The following NBPF26 variants were observed in gnomAD, a reference collection of about 807,000 sequenced individuals.
The protein encoded by NBPF26 is NBPF family member NBPF26.
In NBPF26, 79 loss-of-function variants were observed where a neutral mutation model predicts 119.6. That is an observed-to-expected ratio of 0.66 (90% CI 0.55 to 0.80). The LOEUF is 0.80. Among genes scored for constraint, NBPF26 ranks in the 30% least tolerant of loss-of-function variants. NBPF26 has a pLI of 0.00. For missense variants in NBPF26, 800 were observed against 1,198.2 expected, an observed-to-expected ratio of 0.67 and a Z score of 4.91; for synonymous variants, 299 against 457.7, an observed-to-expected ratio of 0.65 and a Z score of 4.43.
chr1:120,833,452 T>A, intron 23 of NBPF26, 151 bp from the exon 28 acceptor site: 2 of 542,192 alleles, frequency 3.7e-6, no homozygotes, highest in Middle Eastern at 4.8e-4. Context: ...CCCTGTTCTA[T>A]CCCAACATAA....
chr1:120,765,582 A>G (rs1194263296), intron 2 of NBPF26, among the ~76,000 whole-genome samples: 6 of 72,934 alleles, frequency 8.2e-5, no homozygotes, highest in Non-Finnish European at 2.6e-5. Context: ...CGATTCCTCA[A>G]GGATCTAGAA....
At chr1:120,784,001 G>A (rs1361877167) in intron 2 of NBPF26, among the ~76,000 whole-genome samples, 1 of 112,136 alleles carries the variant, frequency 8.9e-6, no homozygotes, top group Non-Finnish European at 1.7e-5. Flanking sequence ...AAGTTTTGTT[G>A]CAGAGGGATA....
In NBPF26 at chr1:120,840,340, C is replaced by T. The variant is rs201769072; in HGVS notation, c.4104-10C>T. 3 of 1,444,810 alleles carry T rather than the reference C, an allele frequency of 2.1e-6. No individual in the cohort carries two copies. Among genetic ancestry groups the T allele is most frequent in the South Asian group, 1.2e-5 (1 of 83,184 alleles). 89.5% of individuals were successfully genotyped at this position (1,444,810 alleles called of 1,614,324 possible). ...CCTGGCTGCTTCTTTAGTTTTGTCT[C>T]CTTTTGCAGGCTCAACAGCATGCTG... On this transcript the variant is annotated splice_polypyrimidine_tract_variant and intron_variant, in intron 29 of 29. Coordinates refer to ENST00000620612, the Ensembl canonical transcript of NBPF26.
At position 120,793,438 on chromosome 1, in the gene NBPF26, C is replaced by T. The variant is rs1651517302; in HGVS notation, c.693C>T (p.Val231=). The T allele has an allele frequency of 2.1e-6, 3 of 1,441,776 alleles. 1 individual carries two copies. Among genetic ancestry groups the T allele is most frequent in the Non-Finnish European group, 2.8e-6 (3 of 1,079,064 alleles). 89.3% of individuals were successfully genotyped at this position (1,441,776 alleles called of 1,614,324 possible). The change falls in exon 4 of 30, where the codon GTC becomes GTT. Residue 231 remains valine (V), a synonymous_variant. Coordinates refer to ENST00000620612, the Ensembl canonical transcript of NBPF26. ...TGCCCTGTGCACACTCGCCTTGTGT[C>T]AATGGAGGCACCTGTCGGCAGACTG...
chr1:120,781,458 T>C, intron 2 of NBPF26, among the ~76,000 whole-genome samples: 1 of 32,940 alleles, frequency 3.0e-5, no homozygotes, highest in Non-Finnish European at 5.0e-5. Context: ...TTTGATGAAC[T>C]GGAGTCATCC....
chr1:120,809,629 A>G (rs1181462466), intron 7 of NBPF26, among the ~76,000 whole-genome samples, 182 bp from the exon 8 acceptor site: 4 of 150,896 alleles, frequency 2.7e-5, no homozygotes, highest in African/African-American at 7.4e-5. Flanking sequence ...CCTCCACATC[A>G]GAAATGCATT....
In NBPF26 at chr1:120,812,142, G is replaced by A; in HGVS notation, c.1774+47G>A. On this transcript the variant is annotated intron_variant, in intron 10 of 29. Coordinates refer to ENST00000620612, the Ensembl canonical transcript of NBPF26. ...TCACGAAAGTGATGAACGAGGTCCT[G>A]TCTTCTCTCTGAGACACTAAATGCT... 3 of 981,358 alleles carry A rather than the reference G, an allele frequency of 3.1e-6. 1 individual carries two copies. Among genetic ancestry groups the A allele is most frequent in the East Asian group, 2.4e-5 (1 of 41,176 alleles). 60.8% of individuals were successfully genotyped at this position (981,358 alleles called of 1,614,324 possible).
In NBPF26 at chr1:120,811,012, G is replaced by A. The variant is rs1214131790; in HGVS notation, c.1564+454G>A. ...TCCGAGCACTTTGGGAGGCCGAGGC[G>A]GGTGGATCATGAGGTCAGGAGATTG... is the stretch of plus-strand genomic sequence containing the variant. On this transcript the variant is annotated intron_variant, in intron 9 of 29. Coordinates refer to ENST00000620612, the Ensembl canonical transcript of NBPF26. Among the ~76,000 whole-genome samples the A allele has an allele frequency of 3.8e-5, 4 of 104,466 alleles. 1 individual carries two copies. The highest frequency in any genetic ancestry group is 7.3e-5 in the Non-Finnish European group (4 of 54,796). The allele number at this position is 104,466 out of a possible 152,430, so 68.5% of individuals were successfully genotyped here.
intron 6 of NBPF26, among the ~76,000 whole-genome samples, chr1:120,808,215 G>A (rs1553270426): frequency 8.4e-6 from 1 of 118,804 alleles, no homozygotes; most frequent in Non-Finnish European, 1.7e-5. Flanking sequence ...TGCACTATGT[G>A]TATTTTCACA....
intron 4 of NBPF26, among the ~76,000 whole-genome samples, chr1:120,800,466 AT>A (rs1651572063): frequency 1.6e-5 from 1 of 62,662 alleles, no homozygotes; most frequent in Non-Finnish European, 2.7e-5. Context: ...TTCTTGTATA[AT>A]TTTTTGGTAA....
chr1:120,819,216 C>A (rs1195181238), intron 15 of NBPF26, among the ~76,000 whole-genome samples: 1 of 121,880 alleles, frequency 8.2e-6, no homozygotes, highest in East Asian at 2.0e-4. Flanking sequence ...TGAATTGATC[C>A]CTTTACCATT....
At chr1:120,770,464 C>G (rs1651250365) in intron 2 of NBPF26, among the ~76,000 whole-genome samples, 1 of 113,000 alleles carries the variant, frequency 8.8e-6, no homozygotes, top group African/African-American at 5.7e-5. Flanking sequence ...CCACCACACC[C>G]AGCCGAGGAC....
At chr1:120,794,458 G>A (rs1651534988) in intron 4 of NBPF26, among the ~76,000 whole-genome samples, 1 of 115,758 alleles carries the variant, frequency 8.6e-6, no homozygotes, top group Admixed American at 8.4e-5. Flanking sequence ...AAAACTGTAG[G>A]AGGGAGTAAT....
intron 1 of NBPF26, among the ~76,000 whole-genome samples, chr1:120,743,836 A>AT (rs1300280736): frequency 4.0e-5 from 5 of 126,110 alleles, no homozygotes; most frequent in Admixed American, 8.2e-5. Context: ...TAGGTTTTGC[A>AT]TTTTTTTAGC....
Position 120,730,014 on chromosome 1 carries a change from G to A in NBPF26, c.73+5764G>A, listed in dbSNP as rs1238763948. Among the ~76,000 whole-genome samples, 13 of 100,400 alleles carry A rather than the reference G, an allele frequency of 1.3e-4. 3 individuals are homozygous for A. In the Middle Eastern group the frequency reaches 0.012, roughly 93 times the overall value. The allele number at this position is 100,400 out of a possible 152,430, so 65.9% of individuals were successfully genotyped here. A position where few individuals can be genotyped will look rare whatever the true frequency, so the allele number is the denominator to read the frequency against. ...GAGAAGAAAGCTGCTATGGTATAAGGTTAGTAAAGTTGTTTGTTTTGTCTT... is the reference window on the plus strand; with the variant it reads ...GAGAAGAAAGCTGCTATGGTATAAGATTAGTAAAGTTGTTTGTTTTGTCTT... On this transcript the variant is annotated intron_variant, in intron 1 of 29. Transcript: ENST00000620612.
exon 5 of NBPF26, chr1:120,805,643 T>C: frequency 2.1e-6 from 3 of 1,461,664 alleles, no homozygotes; most frequent in South Asian, 2.4e-5. Context: ...ATGAACATTC[T>C]AGAAATCAAC....
In NBPF26 at chr1:120,805,560, T is replaced by G; in HGVS notation, c.756T>G (p.Pro252=). 5.7e-6 allele frequency: 8 copies of G among 1,404,106 alleles called. 2 individuals are homozygous for G. Among genetic ancestry groups the G allele is most frequent in the Non-Finnish European group, 7.8e-6 (8 of 1,029,324 alleles). 87.0% of individuals were successfully genotyped at this position (1,404,106 alleles called of 1,614,324 possible). The change falls in exon 5 of 30, where the codon CCT becomes CCG. Residue 252 remains proline (P), a synonymous_variant. Coordinates refer to ENST00000620612, the Ensembl canonical transcript of NBPF26. ...GTTTGGGTTTCTTCTCCCCAGTCCC[T>G]GACTCCACCTCTTCTGCCACAAACG...
At chr1:120,833,498 C>G (rs1652411085) in intron 23 of NBPF26, 105 bp from the exon 28 acceptor site, 1 of 534,440 alleles carries the variant, frequency 1.9e-6, no homozygotes, top group South Asian at 2.1e-5. Flanking sequence ...TGGATCTGTC[C>G]TTTTTCTTTT....
At position 120,770,783 on chromosome 1, in the gene NBPF26, T is replaced by G. The variant is rs1197594971; in HGVS notation, c.155+7074T>G. Among the ~76,000 whole-genome samples, 3 of 117,070 alleles carry G rather than the reference T, an allele frequency of 2.6e-5. 1 individual carries two copies. Among genetic ancestry groups the G allele is most frequent in the African/African-American group, 1.0e-4 (2 of 20,046 alleles). 76.8% of individuals were successfully genotyped at this position (117,070 alleles called of 152,430 possible). A position where few individuals can be genotyped will look rare whatever the true frequency, so the allele number is the denominator to read the frequency against. ...ATAAAATGGGACAGAATTACCTGTT[T>G]TAAGTTGGTAGTTCAAATGGAACCT... On this transcript the variant is annotated intron_variant, in intron 2 of 29. Coordinates refer to ENST00000620612, the Ensembl canonical transcript of NBPF26.
Sources: gnomAD v4.1 joint callset for allele counts (sites outside exome capture counted in the v4.1 genomes callset) on GRCh38, gnomAD v4.1.1 for gene constraint, MANE v1.5 for transcripts, NCBI Gene and HGNC (gene_info 2026-07-23, HGNC 2026-07-21) for gene names.